The following SLC11A2 variants were observed in gnomAD, a reference collection of about 807,000 sequenced individuals.
The protein encoded by SLC11A2 is solute carrier family 11 member 2, also known as natural resistance-associated macrophage protein 2.
Under a neutral mutation model 68.0 loss-of-function variants are expected in SLC11A2, and 38 were observed. The observed-to-expected ratio is 0.56, with a 90% confidence interval of 0.43 to 0.73. SLC11A2 has a LOEUF of 0.73. SLC11A2 is among the 30% of genes least tolerant of loss of function. SLC11A2 has a pLI of 0.00. For synonymous variants in SLC11A2, 242 were observed against 250.6 expected, an observed-to-expected ratio of 0.97 and a Z score of 0.32; for missense variants, 517 against 690.5, an observed-to-expected ratio of 0.75 and a Z score of 2.82.
chr12:50,990,487 A>T, intron 15 of SLC11A2: 1 of 274,710 alleles, frequency 3.6e-6, no homozygotes, highest in Non-Finnish European at 6.9e-6. Context: ...GGTTAGAAAT[A>T]TTATTTTGTA....
chr12:50,999,611 T>C, intron 6 of SLC11A2, 196 bp from the exon 7 acceptor site: 4 of 613,094 alleles, frequency 6.5e-6, no homozygotes, highest in South Asian at 5.7e-5. Flanking sequence ...CATTTAAACT[T>C]TGAGAGTCTA....
At chr12:50,984,587 T>C (rs1007616100), downstream of SLC11A2, among the ~76,000 whole-genome samples, 2 of 152,090 alleles carry the variant, frequency 1.3e-5, no homozygotes, top group African/African-American at 2.4e-5. Flanking sequence ...CATTGAGAAA[T>C]GAGACTAAAT....
At position 51,026,338 on chromosome 12, in the gene SLC11A2, C is replaced by A; in HGVS notation, c.-67G>T. On this transcript the variant is annotated 5_prime_UTR_variant, in exon 1 of 16. Transcript: ENST00000262052. The stretch of plus-strand genomic sequence containing the variant: ...ACCAGCTCCGCAACCACCTGACACG[C>A]CGCCCCCGCGCCCAGGGCTCCATAT... The A allele has an allele frequency of 2.4e-6, 3 of 1,276,562 alleles. No homozygotes were observed. The highest frequency in any genetic ancestry group is 3.1e-6 in the Non-Finnish European group (3 of 980,038). 79.1% of individuals were successfully genotyped at this position (1,276,562 alleles called of 1,614,324 possible).
intron 1 of SLC11A2, chr12:51,024,277 C>CCTT (rs1484011055): frequency 1.1e-4 from 16 of 152,192 alleles, no homozygotes; most frequent in African/African-American, 3.9e-4. Flanking sequence ...ATAGGAAGGG[C>CCTT]AGATATCTGT....
At chr12:50,992,625 G>C (rs763657399) in intron 12 of SLC11A2, among the ~76,000 whole-genome samples, 185 bp downstream of exon 12, 1 of 151,532 alleles carries the variant, frequency 6.6e-6, no homozygotes, top group African/African-American at 2.4e-5. Context: ...CTAGCTACTC[G>C]GGAGGCTGAG....
the SLC11A2 span, chr12:50,970,405 A>C: frequency 9.6e-7 from 1 of 1,036,344 alleles, no homozygotes; most frequent in Non-Finnish European, 1.5e-6. Context: ...TTTGTTTCCC[A>C]TGGATACTCA....
At chr12:50,992,061 C>T in intron 13 of SLC11A2, 129 bp downstream of exon 13, 1 of 940,252 alleles carries the variant, frequency 1.1e-6, no homozygotes, top group Non-Finnish European at 1.7e-6. Context: ...TATACATTTA[C>T]TGCAGACCAC....
downstream of SLC11A2, among the ~76,000 whole-genome samples, chr12:50,985,366 A>G (rs1940442465): frequency 6.6e-6 from 1 of 152,232 alleles, no homozygotes; most frequent in Non-Finnish European, 1.5e-5. Context: ...TCCTAGATGA[A>G]TTCCACTGTG....
chr12:50,992,963 G>A lies in SLC11A2; in HGVS notation c.1078-34C>T, dbSNP rs140912166. On this transcript the variant is annotated intron_variant, in intron 11 of 15. Coordinates refer to ENST00000262052, the MANE Select transcript of SLC11A2 (RefSeq NM_000617.3). Reference sequence around the variant, plus strand: ...GGCCAAGAGGAAGGATATGATTGTGGCAATAATCTGCTCAGACAATATCCA... The same window carrying A: ...GGCCAAGAGGAAGGATATGATTGTGACAATAATCTGCTCAGACAATATCCA... 327 of 1,613,060 alleles carry A rather than the reference G, an allele frequency of 2.0e-4. 2 individuals carry two copies. The Middle Eastern group carries it at 9.4e-3, about 46-fold the overall frequency.
the SLC11A2 span, among the ~76,000 whole-genome samples, chr12:50,967,007 C>T: frequency 6.6e-5 from 10 of 151,944 alleles, no homozygotes; most frequent in Non-Finnish European, 1.3e-4. Flanking sequence ...ATCCCTGCTA[C>T]TCGGGAGGCT....
chr12:50,986,023 C>A lies in SLC11A2; in HGVS notation c.*2302G>T. On this transcript the variant is annotated 3_prime_UTR_variant, in exon 16 of 16. Transcript: ENST00000262052. The stretch of plus-strand genomic sequence containing the variant: ...AAAGAAATTTTTTTTTAATTAGAAA[C>A]CAAGTTTACATACGGTTAAATGGTT... The A allele has an allele frequency of 8.7e-7, 1 of 1,148,328 alleles. No individual in the cohort carries two copies. The highest frequency in any genetic ancestry group is 1.1e-6 in the Non-Finnish European group (1 of 919,628). 71.1% of individuals were successfully genotyped at this position (1,148,328 alleles called of 1,614,324 possible).
chr12:51,027,462 A>G (rs527518606), upstream of SLC11A2, among the ~76,000 whole-genome samples: 5 of 151,662 alleles, frequency 3.3e-5, no homozygotes, highest in South Asian at 4.2e-4. Context: ...CAGCTAGTGC[A>G]GCCAGTTTGA....
upstream of SLC11A2, among the ~76,000 whole-genome samples, chr12:51,027,915 A>G (rs1566053567): frequency 1.5e-5 from 2 of 136,424 alleles, no homozygotes; most frequent in African/African-American, 5.7e-5. Context: ...ACCAAAAAAA[A>G]GTGGGGGGGG....
At chr12:50,975,362 A>C (rs11503626), downstream of SLC11A2, among the ~76,000 whole-genome samples, 184 of 152,338 alleles carry the variant, frequency 1.2e-3, no homozygotes, top group African/African-American at 4.0e-3. Context: ...AACTACATGG[A>C]AACTGAACAA....
chr12:50,995,878 A>T, intron 9 of SLC11A2, 91 bp from the exon 10 acceptor site: 1 of 1,242,632 alleles, frequency 8.0e-7, no homozygotes, highest in Non-Finnish European at 1.2e-6. Flanking sequence ...TGAGAGATTT[A>T]GGGGACAAAA....
chr12:50,986,606 T>C lies in SLC11A2; in HGVS notation c.*1719A>G. On this transcript the variant is annotated 3_prime_UTR_variant, in exon 16 of 16. Transcript: ENST00000262052. Reference sequence around the variant, plus strand: ...TTGTCGTCAGTTTGGCCTTTCCTACTGCAGCCAGGTGAGAGCTTAAGATGT... The same window carrying C: ...TTGTCGTCAGTTTGGCCTTTCCTACCGCAGCCAGGTGAGAGCTTAAGATGT... The C allele has an allele frequency of 7.8e-6, 10 of 1,287,084 alleles. No homozygotes were observed. The highest frequency in any genetic ancestry group is 1.0e-5 in the Non-Finnish European group (10 of 988,660). The allele number at this position is 1,287,084 out of a possible 1,614,324, so 79.7% of individuals were successfully genotyped here.
At chr12:50,956,620 A>C in the SLC11A2 span, among the ~76,000 whole-genome samples, 2 of 152,172 alleles carry the variant, frequency 1.3e-5, no homozygotes, top group Non-Finnish European at 2.9e-5. Flanking sequence ...TATCTATTTA[A>C]AGTATGTGTT....
chr12:51,001,310 A>G (rs1014877062), intron 5 of SLC11A2, among the ~76,000 whole-genome samples: 35 of 152,260 alleles, frequency 2.3e-4, no homozygotes, highest in Admixed American at 6.5e-4. Flanking sequence ...CTCTACAAAA[A>G]GTATAAAAAT....
chr12:50,990,970 TC>T (rs1941092352), intron 14 of SLC11A2, 22 bp from the exon 15 acceptor site: 1 of 1,612,322 alleles, frequency 6.2e-7, no homozygotes, highest in African/African-American at 1.3e-5. Flanking sequence ...ATCAGCACAG[TC>T]ACTGATGGAA....
Sources: allele counts gnomAD v4.1 joint callset (sites outside exome capture counted in the v4.1 genomes callset), GRCh38; gene constraint gnomAD v4.1.1; transcripts MANE v1.5; gene names NCBI Gene and HGNC (gene_info 2026-07-23, HGNC 2026-07-21).